ATP1A2: variants seen among roughly 807,000 people sequenced by gnomAD.
ATP1A2 encodes the protein ATPase Na+/K+ transporting subunit alpha 2, also known as sodium/potassium-transporting ATPase subunit alpha-2.
Under a neutral mutation model 113.1 loss-of-function variants are expected in ATP1A2, and 56 were observed. That is an observed-to-expected ratio of 0.49 (90% CI 0.40 to 0.62). The LOEUF (loss-of-function observed/expected upper bound fraction) is 0.62, where lower values mean the gene tolerates loss of function less well. Among genes scored for constraint, ATP1A2 ranks in the 20% least tolerant of loss-of-function variants. The pLI, the probability that ATP1A2 is intolerant of heterozygous loss-of-function variation, is 0.00. For synonymous variants in ATP1A2, 490 were observed against 526.8 expected (o/e 0.93, Z 0.96); for missense variants, 712 against 1,357.8 (o/e 0.52, Z 7.47).
In ATP1A2 at chr1:160,135,651, C is replaced by T. The variant is rs183381062; in HGVS notation, c.2284+49C>T. ...ATGGTTTGCAGGATACTGAAGCCGGCACCTCTGTTCCCTGTCCCTTTACCC... is the reference window on the plus strand; with the variant it reads ...ATGGTTTGCAGGATACTGAAGCCGGTACCTCTGTTCCCTGTCCCTTTACCC... On this transcript the variant is annotated intron_variant, in intron 16 of 22. Coordinates refer to ENST00000361216, the MANE Select transcript of ATP1A2 (RefSeq NM_000702.4). This position sits in a 1 kb window ranked among gnomAD's most constrained non-coding sequence, Gnocchi z 6.3. 2 of 1,612,416 alleles carry T rather than the reference C, an allele frequency of 1.2e-6. No individual in the cohort carries two copies. Among genetic ancestry groups the T allele is most frequent in the African/African-American group, 2.7e-5 (2 of 74,958 alleles).
chr1:160,124,291 C>T lies in ATP1A2; in HGVS notation c.496-5C>T, dbSNP rs1651512608. 1 of 1,597,554 alleles carries T rather than the reference C, an allele frequency of 6.3e-7. No individual in the cohort carries two copies. Among genetic ancestry groups the T allele is most frequent in the Admixed American group, 1.7e-5 (1 of 57,702 alleles). ...ATTTCATGAGCTGCCTGTGGCTCCC[C>T]ACAGCAAGCCCTTGTGATCCGGGAG... is the stretch of plus-strand genomic sequence containing the variant. On this transcript the variant is annotated splice_polypyrimidine_tract_variant and splice_region_variant and intron_variant, in intron 5 of 22. Transcript: ENST00000361216.
Position 160,139,976 on chromosome 1 carries a change from A to G in ATP1A2, c.3026A>G (p.Tyr1009Cys). The G allele has an allele frequency of 6.2e-7, 1 of 1,613,864 alleles. No homozygotes were observed. Among genetic ancestry groups the G allele is most frequent in the Non-Finnish European group, 8.5e-7 (1 of 1,180,010 alleles). The change falls in exon 22 of 23, where the codon TAT becomes TGT. Residue 1009 changes from tyrosine to cysteine, a missense_variant. Coordinates refer to ENST00000361216, the MANE Select transcript of ATP1A2 (RefSeq NM_000702.4). The part of the protein sequence containing the change: ...DEVRKLILRR[Y>C]PGGWVEKETY... ...GTCCGAAAGCTCATCCTGCGGCGGTATCCTGGTGGTAAGCCCCTCCACATT... is the reference window on the plus strand; with the variant it reads ...GTCCGAAAGCTCATCCTGCGGCGGTGTCCTGGTGGTAAGCCCCTCCACATT...
intron 4 of ATP1A2, 64 bp downstream of exon 4, chr1:160,123,480 C>G: frequency 1.3e-6 from 2 of 1,584,818 alleles, no homozygotes; most frequent in Non-Finnish European, 1.7e-6. Flanking sequence ...ACCCCCAACA[C>G]AGTGGGGGGT....
chr1:160,139,075 G>A (rs889161346), intron 20 of ATP1A2, among the ~76,000 whole-genome samples: 5 of 152,192 alleles, frequency 3.3e-5, no homozygotes, highest in African/African-American at 9.7e-5. Flanking sequence ...CTGTCTGACT[G>A]CAGAAACTGC....
intron 8 of ATP1A2, chr1:160,128,447 C>G: frequency 6.8e-7 from 1 of 1,471,432 alleles, no homozygotes. Flanking sequence ...ACGTCTTAAA[C>G]CCCCTAATGG....
At chr1:160,133,558 T>C (rs1482486247) in intron 13 of ATP1A2, among the ~76,000 whole-genome samples, 1 of 152,160 alleles carries the variant, frequency 6.6e-6, no homozygotes, top group Non-Finnish European at 1.5e-5. Context: ...GGGACCACCG[T>C]GCTCACCAGG....
chr1:160,136,760 G>A (rs1190641037), intron 19 of ATP1A2, 45 bp downstream of exon 19: 1 of 1,614,134 alleles, frequency 6.2e-7, no homozygotes, highest in Non-Finnish European at 8.5e-7. Context: ...TGAAGGTACG[G>A]GAAGCTGAAT....
intron 13 of ATP1A2, among the ~76,000 whole-genome samples, chr1:160,132,860 A>G (rs1487237424): frequency 6.6e-6 from 1 of 152,146 alleles, no homozygotes; most frequent in Non-Finnish European, 1.5e-5. Flanking sequence ...GAAAGAGCAG[A>G]CAGGTCAAGT....
At chr1:160,117,678 C>T (rs1486719490) in intron 1 of ATP1A2, among the ~76,000 whole-genome samples, 1 of 152,186 alleles carries the variant, frequency 6.6e-6, no homozygotes, top group Non-Finnish European at 1.5e-5. Context: ...CCAATCCCTT[C>T]TCCCCTGCAT....
chr1:160,126,188 T>C (rs1003630471), intron 7 of ATP1A2, among the ~76,000 whole-genome samples: 16 of 152,174 alleles, frequency 1.1e-4, no homozygotes, highest in Non-Finnish European at 2.9e-5. Flanking sequence ...CTAAGGATCC[T>C]CAAAGGCCCT....
In ATP1A2 at chr1:160,120,969, AAGG is replaced by A; in HGVS notation, c.79_81del (p.Glu27del). 1 of 1,613,394 alleles carries A rather than the reference AAGG, an allele frequency of 6.2e-7. No homozygotes were observed. Among genetic ancestry groups the A allele is most frequent in the Non-Finnish European group, 8.5e-7 (1 of 1,179,616 alleles). ...GAATGGGGGCGGCAAGAAGAAACAG[AAGG>A]AGAAGGAACTGGATGAGCTGAAGAA... On this transcript the variant is annotated inframe_deletion, in exon 2 of 23. Transcript: ENST00000361216.
Position 160,130,605 on chromosome 1 carries a change from C to T in ATP1A2, c.1827+8C>T, listed in dbSNP as rs1416413433. The T allele has an allele frequency of 6.2e-7, 1 of 1,614,040 alleles. No homozygotes were observed. The highest frequency in any genetic ancestry group is 8.5e-7 in the Non-Finnish European group (1 of 1,180,000). On this transcript the variant is annotated splice_region_variant and intron_variant, in intron 13 of 22. Transcript: ENST00000361216. ...CGAAGCGCAGGCATCAAGGTACTGG[C>T]CTCCCATCCTCCCCTCCATTCTAGC... is the stretch of plus-strand genomic sequence containing the variant.
rs376035600 is a variant in ATP1A2 at position 160,127,718 on chromosome 1, C to T, written c.915C>T (p.Phe305=). The T allele has an allele frequency of 3.3e-5, 54 of 1,614,106 alleles. No individual in the cohort carries two copies. The East Asian group carries it at 8.2e-4, about 25-fold the overall frequency. ...CTGTATTCCTGGGGGTCTCCTTCTT[C>T]GTGCTCTCCCTCATCCTGGGCTACA... The part of the protein sequence containing the change: ...GVAVFLGVSF[F]VLSLILGYSW... The change falls in exon 8 of 23, where the codon TTC becomes TTT. Residue 305 remains phenylalanine (F), a synonymous_variant. Coordinates refer to ENST00000361216, the MANE Select transcript of ATP1A2 (RefSeq NM_000702.4).
Position 160,135,449 on chromosome 1 carries a change from G to A in ATP1A2, c.2131G>A (p.Val711Met), listed in dbSNP as rs1282248061. 2.5e-6 allele frequency: 4 copies of A among 1,614,202 alleles called. No individual in the cohort carries two copies. The highest frequency in any genetic ancestry group is 1.7e-6 in the Non-Finnish European group (2 of 1,180,036). ...GCQRQGAIVA[V>M]TGDGVNDSPA... ...TTCCCTCCAGGGAGCCATTGTGGCC[G>A]TGACGGGTGACGGGGTGAACGACTC... The change falls in exon 16 of 23, where the codon GTG becomes ATG. Residue 711 changes from valine (V) to methionine (M), a missense_variant. Coordinates refer to ENST00000361216, the MANE Select transcript of ATP1A2 (RefSeq NM_000702.4). This position sits in a 1 kb window ranked among gnomAD's most constrained non-coding sequence, Gnocchi z 6.3.
chr1:160,136,453 T>C (rs973937117), intron 18 of ATP1A2, 83 bp downstream of exon 18: 36 of 1,612,302 alleles, frequency 2.2e-5, no homozygotes, highest in Non-Finnish European at 2.7e-5. Flanking sequence ...CAAGCAAAAT[T>C]CCAGGACAGA....
chr1:160,141,355 TG>T lies in ATP1A2; in HGVS notation c.*37del, dbSNP rs758508565. ...GGAAGAAGAACCAGGCATGGAAAGA[TG>T]GGGAGCTCTGGAGGTGTTGTGGGGA... On this transcript the variant is annotated 3_prime_UTR_variant, in exon 23 of 23. Coordinates refer to ENST00000361216, the MANE Select transcript of ATP1A2 (RefSeq NM_000702.4). 3 of 1,612,742 alleles carry T rather than the reference TG, an allele frequency of 1.9e-6. No individual in the cohort carries two copies. In the African/African-American group the frequency reaches 4.0e-5, roughly 22 times the overall value.
intron 1 of ATP1A2, among the ~76,000 whole-genome samples, chr1:160,119,850 GAA>G (rs1651326238): frequency 6.7e-6 from 1 of 148,174 alleles, no homozygotes; most frequent in Admixed American, 6.7e-5. Context: ...AAAAAAGAAA[GAA>G]AGAAAGAAAA....
Position 160,124,388 on chromosome 1 carries a change from C to A in ATP1A2, c.588C>A (p.Arg196=). 6.2e-7 allele frequency: 1 copy of A among 1,612,368 alleles called. No individual in the cohort carries two copies. The highest frequency in any genetic ancestry group is 1.1e-5 in the South Asian group (1 of 90,686). The change falls in exon 6 of 23, where the codon CGC becomes CGA. Residue 196 remains arginine (R), a synonymous_variant. Coordinates refer to ENST00000361216, the MANE Select transcript of ATP1A2 (RefSeq NM_000702.4). ...GDLVEVKGGD[R]VPADLRIISS... ...TGGTGGAGGTGAAGGGTGGAGACCG[C>A]GTCCCTGCTGACCTCCGGATCATCT...
At chr1:160,128,878 T>C (rs367946782) in intron 9 of ATP1A2, 28 bp downstream of exon 9, 3 of 1,613,070 alleles carry the variant, frequency 1.9e-6, no homozygotes, top group African/African-American at 1.3e-5. Context: ...AGGGGGTGGA[T>C]AGGATTAGAG....
Sources: allele counts gnomAD v4.1 joint callset (sites outside exome capture counted in the v4.1 genomes callset), GRCh38; gene constraint gnomAD v4.1.1; non-coding constraint Gnocchi (gnomAD v3.1); transcripts MANE v1.5; gene names NCBI Gene and HGNC (gene_info 2026-07-23, HGNC 2026-07-21).